Variants in TASP1 observed in about 807,000 individuals in gnomAD.
The protein encoded by TASP1 is taspase 1.
Under a neutral mutation model 56.6 loss-of-function variants are expected in TASP1, and 16 were observed. The ratio of observed to expected loss-of-function variants is 0.28; its 90% CI spans 0.19 to 0.43. The LOEUF (loss-of-function observed/expected upper bound fraction) is 0.43, where lower values mean the gene tolerates loss of function less well. Ranked by LOEUF, TASP1 falls within the 20% of genes least tolerant of loss-of-function variation. The probability of loss-of-function intolerance (pLI) is 1.00; values close to 1 mark genes in which losing one functional copy is unlikely to be tolerated. For synonymous variants in TASP1, 179 were observed against 184.2 expected (o/e 0.97, Z 0.23); for missense variants, 393 against 511.6 (o/e 0.77, Z 2.24).
At chr20:13,147,076 T>C in the TASP1 span, among the ~76,000 whole-genome samples, 1 of 152,168 alleles carries the variant, frequency 6.6e-6, no homozygotes, top group Non-Finnish European at 1.5e-5. Context: ...GCAGGGTGTT[T>C]TCCCAGAGCC....
chr20:13,510,033 C>T (rs187979037), intron 10 of TASP1, among the ~76,000 whole-genome samples: 3 of 152,214 alleles, frequency 2.0e-5, no homozygotes, highest in Admixed American at 1.3e-4. Context: ...CAAACCCCTG[C>T]AATTTACCTA....
intron 1 of TASP1, among the ~76,000 whole-genome samples, chr20:13,636,919 T>C (rs1360043785): frequency 6.6e-6 from 1 of 152,072 alleles, no homozygotes; most frequent in African/African-American, 2.4e-5. Context: ...AAAAAAATTC[T>C]AAGTAGATAA....
At chr20:13,456,855 C>T (rs2043859053) in intron 11 of TASP1, among the ~76,000 whole-genome samples, 1 of 152,020 alleles carries the variant, frequency 6.6e-6, no homozygotes, top group South Asian at 2.1e-4. Context: ...AAAGCAAGTA[C>T]CTACTAGGAA....
the TASP1 span, among the ~76,000 whole-genome samples, chr20:13,186,579 C>A: frequency 6.6e-6 from 1 of 152,146 alleles, no homozygotes; most frequent in Non-Finnish European, 1.5e-5. Context: ...TGAAAGATTA[C>A]AAAACACTCC....
chr20:13,579,554 G>A (rs1425695079), intron 6 of TASP1, among the ~76,000 whole-genome samples: 3 of 151,894 alleles, frequency 2.0e-5, no homozygotes, highest in East Asian at 3.9e-4. Context: ...TAGTAGAGAC[G>A]GGGTTTCACC....
intron 5 of TASP1, among the ~76,000 whole-genome samples, chr20:13,585,017 A>G (rs1161922565): frequency 1.3e-5 from 2 of 152,226 alleles, no homozygotes; most frequent in African/African-American, 2.4e-5. Context: ...GGGAAAAAAA[A>G]GTACCCAACT....
At chr20:13,432,454 T>C (rs2042843712) in intron 12 of TASP1, among the ~76,000 whole-genome samples, 1 of 152,178 alleles carries the variant, frequency 6.6e-6, no homozygotes, top group East Asian at 1.9e-4. Flanking sequence ...ACTGTTTGAA[T>C]TTACTTTGTT....
the TASP1 span, among the ~76,000 whole-genome samples, chr20:13,160,947 A>AG: frequency 6.6e-6 from 1 of 152,230 alleles, no homozygotes; most frequent in Non-Finnish European, 1.5e-5. Flanking sequence ...ATCATTCAAG[A>AG]CTTCCAATCA....
At chr20:13,599,547 G>A (rs1361642457) in intron 4 of TASP1, among the ~76,000 whole-genome samples, 3 of 152,162 alleles carry the variant, frequency 2.0e-5, no homozygotes, top group African/African-American at 7.2e-5. Context: ...GGCTGGGGGA[G>A]GGATAGCATT....
chr20:13,164,846 G>C, the TASP1 span: 4 of 1,613,364 alleles, frequency 2.5e-6, no homozygotes, highest in East Asian at 8.9e-5. Flanking sequence ...ATGATGAGAC[G>C]AGCTTTGAAC....
intron 10 of TASP1, among the ~76,000 whole-genome samples, chr20:13,505,624 C>A (rs934347581): frequency 6.6e-6 from 1 of 151,860 alleles, no homozygotes; most frequent in African/African-American, 2.4e-5. Context: ...AGAAAATTTG[C>A]AAATATATGG....
chr20:13,487,651 A>C (rs1397396794), intron 10 of TASP1, among the ~76,000 whole-genome samples: 1 of 151,994 alleles, frequency 6.6e-6, no homozygotes, highest in African/African-American at 2.4e-5. Context: ...AACTTTCAAA[A>C]CCCACACTGA....
intron 11 of TASP1, among the ~76,000 whole-genome samples, chr20:13,451,397 C>G (rs2043611896): frequency 1.3e-5 from 2 of 152,114 alleles, no homozygotes; most frequent in African/African-American, 2.4e-5. Flanking sequence ...CAACAGAAGG[C>G]CATTTTTGTC....
chr20:13,174,775 A>G, the TASP1 span, among the ~76,000 whole-genome samples: 7 of 151,992 alleles, frequency 4.6e-5, no homozygotes, highest in Admixed American at 1.3e-4. Flanking sequence ...TACAAGATGC[A>G]TTAAAAATGT....
intron 7 of TASP1, among the ~76,000 whole-genome samples, chr20:13,564,795 G>A (rs895008987): frequency 2.6e-5 from 4 of 151,752 alleles, no homozygotes; most frequent in African/African-American, 9.7e-5. Flanking sequence ...GAAGTCAGGA[G>A]TTCAAAACCA....
intron 12 of TASP1, among the ~76,000 whole-genome samples, chr20:13,429,924 T>A (rs1032266770): frequency 6.6e-6 from 1 of 152,038 alleles, no homozygotes; most frequent in African/African-American, 2.4e-5. Context: ...TTGGGACCCA[T>A]GGCTATGTTC....
At chr20:13,198,401 G>A in the TASP1 span, among the ~76,000 whole-genome samples, 1 of 151,928 alleles carries the variant, frequency 6.6e-6, no homozygotes, top group East Asian at 1.9e-4. Context: ...AGTTCTCTGG[G>A]GTCCCTTTTA....
At chr20:13,158,036 G>A in the TASP1 span, among the ~76,000 whole-genome samples, 1 of 152,144 alleles carries the variant, frequency 6.6e-6, no homozygotes, top group African/African-American at 2.4e-5. Context: ...GTGCAATGTG[G>A]TTTTACCCAT....
the TASP1 span, among the ~76,000 whole-genome samples, chr20:13,153,097 CT>C: frequency 6.6e-6 from 1 of 152,176 alleles, no homozygotes; most frequent in Non-Finnish European, 1.5e-5. Context: ...AAACTTTGGG[CT>C]GATTTCTAGG....
Sources: gnomAD v4.1 joint callset for allele counts (sites outside exome capture counted in the v4.1 genomes callset) on GRCh38, gnomAD v4.1.1 for gene constraint, MANE v1.5 for transcripts, NCBI Gene and HGNC (gene_info 2026-07-23, HGNC 2026-07-21) for gene names.